The following MAP6D1 variants were observed in gnomAD, a reference collection of about 807,000 sequenced individuals.
The protein encoded by MAP6D1 is MAP6 domain-containing protein 1.
Under a neutral mutation model 17.4 loss-of-function variants are expected in MAP6D1, and 13 were observed. The ratio of observed to expected loss-of-function variants is 0.75; its 90% CI spans 0.49 to 1.19. The LOEUF is 1.19. MAP6D1 is among the 50% of genes most tolerant of loss of function. The pLI is 0.00. For synonymous variants in MAP6D1, 141 were observed against 145.7 expected (o/e 0.97, Z 0.23); for missense variants, 313 against 312.6 (o/e 1.00, Z -0.01).
rs1220808020 is a variant in MAP6D1 at position 183,817,313 on chromosome 3, C to T, written c.*43G>A. The T allele has an allele frequency of 3.2e-6, 5 of 1,543,004 alleles. No individual in the cohort carries two copies. Among genetic ancestry groups the T allele is most frequent in the Non-Finnish European group, 4.4e-6 (5 of 1,140,092 alleles). ...GGCAGTGGGTCCTGAGGCCGCTCCC[C>T]AGCCCTGTCCTGTCGGCAGCCATGG... On this transcript the variant is annotated 3_prime_UTR_variant, in exon 3 of 3. Transcript: ENST00000318631.
Position 183,818,050 on chromosome 3 carries a change from G to A in MAP6D1, c.463C>T (p.Arg155Ter), listed in dbSNP as rs570590442. ...CCCGAAGTGTGGGTTGTGATGACTC[G>A]GGCTGGTTTTGTCTTTGTGGATCTT... Reference protein sequence around the residue: ...PSRSTKTKPARVITTHTSGWD... With the variant: ...PSRSTKTKPA The change falls in exon 2 of 3, where the codon CGA (arginine) becomes TGA (stop). Residue 155 changes from arginine to a stop codon, truncating the protein, a stop_gained. Coordinates refer to ENST00000318631, the MANE Select transcript of MAP6D1 (RefSeq NM_024871.4). LOFTEE classifies it high-confidence loss of function. 5.0e-6 allele frequency: 8 copies of A among 1,614,114 alleles called. No homozygotes were observed. The East Asian group carries it at 8.9e-5, about 18-fold the overall frequency.
chr3:183,818,882 A>G (rs1429765907), intron 1 of MAP6D1, among the ~76,000 whole-genome samples: 3 of 152,074 alleles, frequency 2.0e-5, no homozygotes, highest in Non-Finnish European at 4.4e-5. Context: ...GGAGAGGATG[A>G]GGCTGGCACC....
At chr3:183,822,788 A>G (rs1727290612) in intron 1 of MAP6D1, among the ~76,000 whole-genome samples, 1 of 152,320 alleles carries the variant, frequency 6.6e-6, no homozygotes, top group Middle Eastern at 3.4e-3. Context: ...AATAGCGGAG[A>G]GTCTGGAAGG....
At position 183,825,352 on chromosome 3, in the gene MAP6D1, G is replaced by T; in HGVS notation, c.196C>A (p.Leu66Ile). The change falls in exon 1 of 3, where the codon CTC (leucine) becomes ATC (isoleucine). Residue 66 changes from leucine (L) to isoleucine (I), a missense_variant. Transcript: ENST00000318631. ...CCGAAGTCCCGCTGGTACTGAGTGA[G>T]CGGCACGTCCCGGCCGGAATCCCGG... ...GARDSGRDVP[L>I]TQYQRDFGLW... 1 of 1,438,668 alleles carries T rather than the reference G, an allele frequency of 7.0e-7. No homozygotes were observed. The allele number at this position is 1,438,668 out of a possible 1,614,324, so 89.1% of individuals were successfully genotyped here. A position where few individuals can be genotyped will look rare whatever the true frequency, so the allele number is the denominator to read the frequency against.
chr3:183,823,409 G>A (rs891480396), intron 1 of MAP6D1, among the ~76,000 whole-genome samples: 8 of 152,116 alleles, frequency 5.3e-5, no homozygotes, highest in Non-Finnish European at 1.2e-4. Context: ...AGACCTGCCT[G>A]ACCAACATGG....
rs1727297887 is a variant in MAP6D1 at position 183,823,180 on chromosome 3, G to C, written c.401+1967C>G. 3.9e-5 allele frequency among the ~76,000 whole-genome samples: 6 copies of C among 152,276 alleles called. No individual in the cohort carries two copies. The South Asian group carries it at 1.2e-3, about 32-fold the overall frequency. ...CAGCTAATTTTCTATTTTTTGTAGA[G>C]GCAGGGTCTCACTATGTTGCCCAGG... On this transcript the variant is annotated intron_variant, in intron 1 of 2. Transcript: ENST00000318631.
rs1273861209 is a variant in MAP6D1 at position 183,816,101 on chromosome 3, AG to A, written c.*1254del. 2 of 152,216 alleles carry A rather than the reference AG, an allele frequency of 1.3e-5. No individual in the cohort carries two copies. Among genetic ancestry groups the A allele is most frequent in the African/African-American group, 4.8e-5 (2 of 41,428 alleles). The allele number at this position is 152,216 out of a possible 1,614,324, so 9.4% of individuals were successfully genotyped here. The stretch of plus-strand genomic sequence containing the variant: ...TCTTTAAAGCGAGCCTCTCATCAAG[AG>A]CATTTCCTTTGCTGGCATGAGGGGA... On this transcript the variant is annotated 3_prime_UTR_variant, in exon 3 of 3. Transcript: ENST00000318631.
At position 183,818,089 on chromosome 3, in the gene MAP6D1, C is replaced by T. The variant is rs1180858614; in HGVS notation, c.424G>A (p.Gly142Arg). 6.2e-7 allele frequency: 1 copy of T among 1,614,130 alleles called. No individual in the cohort carries two copies. The highest frequency in any genetic ancestry group is 1.1e-5 in the South Asian group (1 of 91,080). ...TTTGTGGATCTTGAGGGCTTCACTCCAGTCCAAGCCTGGAATTCCTGTCTG... is the reference window on the plus strand; with the variant it reads ...TTTGTGGATCTTGAGGGCTTCACTCTAGTCCAAGCCTGGAATTCCTGTCTG... ...SYRQEFQAWTGVKPSRSTKTK... is the reference protein window; with the variant it reads ...SYRQEFQAWTRVKPSRSTKTK... Residue 142 changes from glycine to arginine, a missense_variant, in exon 2 of 3, where the codon GGA (glycine) becomes AGA (arginine). Coordinates refer to ENST00000318631, the MANE Select transcript of MAP6D1 (RefSeq NM_024871.4).
Position 183,817,454 on chromosome 3 carries a change from GC to G in MAP6D1, c.520-19del. ...TCTGGGACCTGAAAAATGAAGTGTG[GC>G]CACATATCAGTGGGACTTTTCCTTA... is the stretch of plus-strand genomic sequence containing the variant. On this transcript the variant is annotated intron_variant, in intron 2 of 2. Transcript: ENST00000318631. 6.4e-7 allele frequency: 1 copy of G among 1,553,700 alleles called. No individual in the cohort carries two copies. The highest frequency in any genetic ancestry group is 1.2e-5 in the South Asian group (1 of 84,190).
intron 1 of MAP6D1, 24 bp downstream of exon 1, chr3:183,825,123 T>C: frequency 7.3e-7 from 1 of 1,372,242 alleles, no homozygotes; most frequent in East Asian, 3.1e-5. Flanking sequence ...TGGGGACTCG[T>C]TGCGGTCCCT....
intron 1 of MAP6D1, among the ~76,000 whole-genome samples, chr3:183,819,703 C>G (rs890708249): frequency 6.6e-6 from 1 of 152,322 alleles, no homozygotes; most frequent in South Asian, 2.1e-4. Context: ...GCATCAGCCC[C>G]GGACAGAGGA....
At chr3:183,821,541 CTTTTTTT>C (rs59131602) in intron 1 of MAP6D1, among the ~76,000 whole-genome samples, 2 of 98,116 alleles carry the variant, frequency 2.0e-5, no homozygotes, top group South Asian at 3.6e-4. Flanking sequence ...TGAGGGATTG[CTTTTTTT>C]TTTTTTTTTT....
At chr3:183,824,733 CA>C (rs1727335983) in intron 1 of MAP6D1, among the ~76,000 whole-genome samples, 1 of 152,232 alleles carries the variant, frequency 6.6e-6, no homozygotes, top group African/African-American at 2.4e-5. Flanking sequence ...CGGTCCTCAC[CA>C]CCAACGCCCG....
Position 183,821,102 on chromosome 3 carries a change from AAAAAAG to A in MAP6D1, c.402-2997_402-2992del, listed in dbSNP as rs200450068. 0.011 allele frequency among the ~76,000 whole-genome samples: 1,692 copies of A among 151,254 alleles called. 105 individuals are homozygous for A. In the East Asian group the frequency reaches 0.17, roughly 15 times the overall value. On this transcript the variant is annotated intron_variant, in intron 1 of 2. Transcript: ENST00000318631. ...GAGTGAGACTCCGTCTCAAAAAAAA[AAAAAAG>A]AAAAAAAGAGAGGCTGACCCACCTG...
chr3:183,822,787 G>A (rs1727290548), intron 1 of MAP6D1, among the ~76,000 whole-genome samples: 1 of 152,244 alleles, frequency 6.6e-6, no homozygotes, highest in South Asian at 2.1e-4. Context: ...GAATAGCGGA[G>A]AGTCTGGAAG....
At chr3:183,824,080 T>C (rs1327090527) in intron 1 of MAP6D1, among the ~76,000 whole-genome samples, 1 of 152,256 alleles carries the variant, frequency 6.6e-6, no homozygotes, top group Non-Finnish European at 1.5e-5. Context: ...GTATCCCATT[T>C]CATGGCTGTG....
At position 183,825,272 on chromosome 3, in the gene MAP6D1, C is replaced by T; in HGVS notation, c.276G>A (p.Gly92=). Residue 92 remains glycine (G), a synonymous_variant, in exon 1 of 3, where the codon GGG becomes GGA. Transcript: ENST00000318631. ...PKDPPPGRGP[G]AGGRRGKSSA... is the part of the protein sequence containing the mutation. ...AGGATTTGCCCCTGCGGCCGCCCGCCCCCGGTCCGCGCCCCGGCGGCGGAT... is the reference window on the plus strand; with the variant it reads ...AGGATTTGCCCCTGCGGCCGCCCGCTCCCGGTCCGCGCCCCGGCGGCGGAT... 1.5e-6 allele frequency: 2 copies of T among 1,343,752 alleles called. No homozygotes were observed. Among genetic ancestry groups the T allele is most frequent in the Non-Finnish European group, 1.9e-6 (2 of 1,049,740 alleles). The allele number at this position is 1,343,752 out of a possible 1,614,324, so 83.2% of individuals were successfully genotyped here. A position where few individuals can be genotyped will look rare whatever the true frequency, so the allele number is the denominator to read the frequency against.
At chr3:183,822,240 AACACACACACACACACACACACAC>A (rs60341893) in intron 1 of MAP6D1, among the ~76,000 whole-genome samples, 29 of 138,692 alleles carry the variant, frequency 2.1e-4, no homozygotes, top group African/African-American at 3.0e-4. Flanking sequence ...CCATCTCTAA[AACACACACACACACACACACACAC>A]ACACACACAC....
intron 1 of MAP6D1, among the ~76,000 whole-genome samples, chr3:183,819,290 C>T (rs963872759): frequency 9.2e-5 from 14 of 152,276 alleles, no homozygotes; most frequent in Non-Finnish European, 1.5e-4. Context: ...TTTTCACTCC[C>T]GAAGCCGCGA....
Sources: gnomAD v4.1 joint callset for allele counts (sites outside exome capture counted in the v4.1 genomes callset) on GRCh38, gnomAD v4.1.1 for gene constraint, MANE v1.5 for transcripts, NCBI Gene and HGNC (gene_info 2026-07-23, HGNC 2026-07-21) for gene names.